Variants in ANLN observed in about 807,000 individuals in gnomAD.
The protein encoded by ANLN is anillin, actin binding protein.
A neutral mutation model predicts 135.1 loss-of-function variants in ANLN; 59 were observed. The observed-to-expected ratio is 0.44, with a 90% CI of 0.35 to 0.54. The LOEUF is 0.54. ANLN is among the 20% of genes least tolerant of loss of function. The pLI is 0.00. For synonymous variants in ANLN, 406 were observed against 456.4 expected, an observed-to-expected ratio of 0.89 and a Z score of 1.41; for missense variants, 1,182 against 1,340.0, an observed-to-expected ratio of 0.88 and a Z score of 1.84.
At chr7:36,433,767 C>T (rs1225108396) in intron 20 of ANLN, among the ~76,000 whole-genome samples, 1 of 152,058 alleles carries the variant, frequency 6.6e-6, no homozygotes, top group Non-Finnish European at 1.5e-5. Context: ...ATCAGTTCTT[C>T]AAGTTCACCT....
chr7:36,404,524 A>G (rs1787108042), intron 3 of ANLN, among the ~76,000 whole-genome samples: 1 of 152,154 alleles, frequency 6.6e-6, no homozygotes. Flanking sequence ...AAACTCCATG[A>G]ATTTCTTTTA....
At chr7:36,391,075 C>T (rs1292602077) in intron 1 of ANLN, among the ~76,000 whole-genome samples, 2 of 152,188 alleles carry the variant, frequency 1.3e-5, no homozygotes, top group Non-Finnish European at 2.9e-5. Flanking sequence ...CAGATTTCAG[C>T]AATTAGAGTT....
intron 20 of ANLN, among the ~76,000 whole-genome samples, chr7:36,434,135 C>G (rs543363625): frequency 4.6e-5 from 7 of 152,004 alleles, no homozygotes; most frequent in African/African-American, 1.7e-4. Flanking sequence ...ATAGGTAATA[C>G]CTTGTTCTTT....
chr7:36,437,880 C>T (rs1482412685), intron 20 of ANLN, among the ~76,000 whole-genome samples: 2 of 152,164 alleles, frequency 1.3e-5, no homozygotes, highest in Non-Finnish European at 2.9e-5. Flanking sequence ...AAGTGATTCT[C>T]CTGCCTCAGC....
intron 8 of ANLN, 67 bp from the exon 9 acceptor site, chr7:36,417,013 A>G (rs1787670279): frequency 2.3e-6 from 2 of 861,546 alleles, no homozygotes; most frequent in South Asian, 2.0e-5. Context: ...AACACACACA[A>G]GATTCCATAA....
intron 2 of ANLN, 89 bp downstream of exon 2, chr7:36,396,508 A>G: frequency 7.6e-7 from 1 of 1,322,316 alleles, no homozygotes; most frequent in Non-Finnish European, 1.0e-6. Flanking sequence ...ATATAGAAGA[A>G]CCAAGCTCTT....
At chr7:36,425,171 T>C (rs1181255411) in intron 17 of ANLN, among the ~76,000 whole-genome samples, 1 of 151,914 alleles carries the variant, frequency 6.6e-6, no homozygotes, top group Non-Finnish European at 1.5e-5. Context: ...TTTTTAGCTC[T>C]AACAAAAAAG....
chr7:36,395,810 C>A (rs1786669706), intron 1 of ANLN, among the ~76,000 whole-genome samples: 2 of 151,994 alleles, frequency 1.3e-5, no homozygotes, highest in Non-Finnish European at 1.5e-5. Flanking sequence ...CTGACCATCA[C>A]CTGGGCCATG....
rs181186526 is a variant in ANLN, at chr7:36,402,570, T to C, written c.487+3177T>C. Among the ~76,000 whole-genome samples, 8 of 152,276 alleles carry C rather than the reference T, an allele frequency of 5.3e-5. No homozygotes were observed. The East Asian group carries it at 1.5e-3, about 29-fold the overall frequency. On this transcript the variant is annotated intron_variant, in intron 3 of 23. Transcript: ENST00000265748. Reference sequence around the variant, plus strand: ...CCAGGACCTCCCCATCACCTCCTGATTAAATTCCAATCTGGACCTGCTCTT... The same window carrying C: ...CCAGGACCTCCCCATCACCTCCTGACTAAATTCCAATCTGGACCTGCTCTT...
rs749811826 is a variant in ANLN, at chr7:36,399,290, A to G, written c.384A>G (p.Arg128=). 1 of 1,614,102 alleles carries G rather than the reference A, an allele frequency of 6.2e-7. No individual in the cohort carries two copies. The highest frequency in any genetic ancestry group is 8.5e-7 in the Non-Finnish European group (1 of 1,180,004). ...CGGCATCACTGCTGGGCATGAGGAG[A>G]GGGCTGAACTCAAGATTGGAAGCAA... ...AVPASLLGMR[R]GLNSRLEATA... is the part of the protein sequence containing the mutation. Residue 128 remains arginine (R), a synonymous_variant, in exon 3 of 24, where the codon AGA becomes AGG. Transcript: ENST00000265748.
intron 19 of ANLN, 34 bp from the exon 20 acceptor site, chr7:36,426,882 T>C (rs1788100561): frequency 1.4e-6 from 2 of 1,392,588 alleles, no homozygotes; most frequent in Non-Finnish European, 2.0e-6. Context: ...CAAAAGTCAT[T>C]CTGAACTAAA....
At chr7:36,394,600 T>C (rs756087906) in intron 1 of ANLN, among the ~76,000 whole-genome samples, 7 of 149,282 alleles carry the variant, frequency 4.7e-5, no homozygotes, top group Non-Finnish European at 1.0e-4. Flanking sequence ...TAGTGTCACT[T>C]TTTTCAATGA....
chr7:36,393,032 G>GTT (rs59704676), intron 1 of ANLN, among the ~76,000 whole-genome samples: 35 of 144,974 alleles, frequency 2.4e-4, no homozygotes, highest in East Asian at 1.2e-3. Flanking sequence ...TTCTTTTTTC[G>GTT]TTTTTTTTTT....
chr7:36,426,338 A>G (rs928067632), intron 19 of ANLN, among the ~76,000 whole-genome samples: 2 of 152,172 alleles, frequency 1.3e-5, no homozygotes, highest in African/African-American at 2.4e-5. Context: ...TGTGCTTTCC[A>G]TACTGCAGAT....
chr7:36,438,734 C>T (rs187775846), intron 20 of ANLN, among the ~76,000 whole-genome samples: 5 of 152,256 alleles, frequency 3.3e-5, no homozygotes, highest in Admixed American at 3.3e-4. Flanking sequence ...AATATGATTC[C>T]TTCAACTTTG....
intron 22 of ANLN, among the ~76,000 whole-genome samples, chr7:36,446,505 G>T (rs896179634): frequency 6.6e-6 from 1 of 152,156 alleles, no homozygotes; most frequent in Non-Finnish European, 1.5e-5. Context: ...GCCTCAGGGC[G>T]CTTTTACTCA....
intron 22 of ANLN, among the ~76,000 whole-genome samples, chr7:36,446,773 CTG>C (rs1789018060): frequency 2.0e-5 from 3 of 152,292 alleles, no homozygotes; most frequent in South Asian, 4.1e-4. Context: ...AATATCAAAA[CTG>C]TATCATTCAC....
rs371775935 is a variant in ANLN at position 36,399,370 on chromosome 7, G to A, written c.464G>A (p.Arg155His). ...RMQKLAEQRR[R>H]WDNDDMTDDI... ...CAAAAACTTGCAGAGCAACGGCGCC[G>A]TTGGGATAATGATGATATGACAGGT... The change falls in exon 3 of 24, where the codon CGT (arginine) becomes CAT (histidine). Residue 155 changes from arginine (R) to histidine (H), a missense_variant. By Grantham distance (29) the Arg-to-His change is conservative. Coordinates refer to ENST00000265748, the MANE Select transcript of ANLN (RefSeq NM_018685.5). 53 of 1,611,634 alleles carry A rather than the reference G, an allele frequency of 3.3e-5. No homozygotes were observed. The highest frequency in any genetic ancestry group is 3.7e-5 in the Non-Finnish European group (44 of 1,178,774).
At chr7:36,405,023 C>T (rs1333490059) in intron 3 of ANLN, among the ~76,000 whole-genome samples, 1 of 152,206 alleles carries the variant, frequency 6.6e-6, no homozygotes, top group Non-Finnish European at 1.5e-5. Context: ...GCGTGGGCTA[C>T]TGTATGGTCA....
Sources: gnomAD v4.1 joint callset for allele counts (sites outside exome capture counted in the v4.1 genomes callset) on GRCh38, gnomAD v4.1.1 for gene constraint, MANE v1.5 for transcripts, NCBI Gene and HGNC (gene_info 2026-07-23, HGNC 2026-07-21) for gene names.